PRKAA2: variants seen among roughly 807,000 people sequenced by gnomAD.
The protein encoded by PRKAA2 is 5'-AMP-activated protein kinase catalytic subunit alpha-2.
Under a neutral mutation model 56.3 loss-of-function variants are expected in PRKAA2, and 40 were observed. The ratio of observed to expected loss-of-function variants is 0.71; its 90% CI spans 0.55 to 0.92. The LOEUF (loss-of-function observed/expected upper bound fraction) is 0.92. PRKAA2 is among the 40% of genes least tolerant of loss of function. PRKAA2 has a pLI of 0.00. For synonymous variants in PRKAA2, 214 were observed against 234.2 expected, an observed-to-expected ratio of 0.91 and a Z score of 0.79; for missense variants, 542 against 686.9, an observed-to-expected ratio of 0.79 and a Z score of 2.36.
intron 6 of PRKAA2, among the ~76,000 whole-genome samples, chr1:56,697,876 A>G (rs1291722662): frequency 2.0e-5 from 3 of 152,024 alleles, no homozygotes; most frequent in Admixed American, 1.3e-4. Context: ...GTATATTTAT[A>G]TACTTCAGAA....
At chr1:56,660,997 G>T (rs974302680) in intron 1 of PRKAA2, among the ~76,000 whole-genome samples, 1 of 152,056 alleles carries the variant, frequency 6.6e-6, no homozygotes. Context: ...TGAAAGGAGC[G>T]TTGTGTTGTT....
chr1:56,652,372 G>T (rs1001034561), intron 1 of PRKAA2, among the ~76,000 whole-genome samples: 8 of 151,362 alleles, frequency 5.3e-5, no homozygotes, highest in African/African-American at 1.9e-4. Context: ...AGCCAGGATG[G>T]TCTTGCTCTC....
chr1:56,707,775 A>T lies in PRKAA2; in HGVS notation c.*62A>T. The T allele has an allele frequency of 2.1e-6, 3 of 1,421,958 alleles. No individual in the cohort carries two copies. The highest frequency in any genetic ancestry group is 2.3e-5 in the East Asian group (1 of 43,794). 88.1% of individuals were successfully genotyped at this position (1,421,958 alleles called of 1,614,324 possible). A position where few individuals can be genotyped will look rare whatever the true frequency, so the allele number is the denominator to read the frequency against. ...AATCAGTTATATTCTTTAAATTTTT[A>T]TCTTACTTTTGGATAATATCCACTG... is the stretch of plus-strand genomic sequence containing the variant. On this transcript the variant is annotated 3_prime_UTR_variant, in exon 9 of 9. Transcript: ENST00000371244.
rs1304865714 is a variant in PRKAA2, at chr1:56,712,588, A to T, written c.*4875A>T. ...AAAACTAGGCTGGGTGTAGTGGCTC[A>T]TGCCTATAATCCCAGCACTTTGGGA... On this transcript the variant is annotated 3_prime_UTR_variant, in exon 9 of 9. Coordinates refer to ENST00000371244, the MANE Select transcript of PRKAA2 (RefSeq NM_006252.4). 6.6e-6 allele frequency: 1 copy of T among 152,204 alleles called. No homozygotes were observed. The highest frequency in any genetic ancestry group is 1.5e-5 in the Non-Finnish European group (1 of 68,038). The allele number at this position is 152,204 out of a possible 1,614,324, so 9.4% of individuals were successfully genotyped here.
At position 56,674,503 on chromosome 1, in the gene PRKAA2, C is replaced by A; in HGVS notation, c.217C>A (p.His73Asn). Residue 73 changes from histidine (H) to asparagine (N), a missense_variant, in exon 2 of 9, where the codon CAT becomes AAT. By Grantham distance (68) the His-to-Asn change is moderately conservative. Coordinates refer to ENST00000371244, the MANE Select transcript of PRKAA2 (RefSeq NM_006252.4). ...REIQNLKLFR[H>N]PHIIKLYQVI... ...AATTCAAAATCTAAAACTCTTTCGTCATCCTCATATTATCAAACTGTAAGT... is the reference window on the plus strand; with the variant it reads ...AATTCAAAATCTAAAACTCTTTCGTAATCCTCATATTATCAAACTGTAAGT... The A allele has an allele frequency of 6.5e-7, 1 of 1,536,736 alleles. No homozygotes were observed. The highest frequency in any genetic ancestry group is 8.8e-7 in the Non-Finnish European group (1 of 1,132,458).
chr1:56,652,097 C>G (rs1643903233), intron 1 of PRKAA2, among the ~76,000 whole-genome samples: 1 of 150,374 alleles, frequency 6.7e-6, no homozygotes. Context: ...ACTACAACCT[C>G]TGCCTCCTGG....
chr1:56,646,893 T>C (rs945456227), intron 1 of PRKAA2, among the ~76,000 whole-genome samples: 4 of 152,196 alleles, frequency 2.6e-5, no homozygotes, highest in African/African-American at 7.2e-5. Context: ...GCAATGAGGA[T>C]ACAGCAAGGA....
intron 1 of PRKAA2, among the ~76,000 whole-genome samples, chr1:56,654,074 T>G (rs151111179): frequency 1.6e-4 from 24 of 152,214 alleles, no homozygotes; most frequent in Admixed American, 6.5e-4. Flanking sequence ...TACATATATT[T>G]TCAGTTCAGA....
intron 1 of PRKAA2, among the ~76,000 whole-genome samples, chr1:56,650,597 G>A (rs1181053215): frequency 1.3e-5 from 2 of 152,124 alleles, no homozygotes; most frequent in African/African-American, 2.4e-5. Context: ...AAAGAAGCCT[G>A]CATTTTCAAG....
Position 56,707,953 on chromosome 1 carries a change from TAA to T in PRKAA2, c.*241_*242del, listed in dbSNP as rs1644343907. 1.7e-5 allele frequency: 9 copies of T among 523,006 alleles called. No homozygotes were observed. The South Asian group carries it at 2.1e-4, about 12-fold the overall frequency. 32.4% of individuals were successfully genotyped at this position (523,006 alleles called of 1,614,324 possible). Reference sequence around the variant, plus strand: ...CACATAGGCAATATCTTTAATAGGTTAATATCAATGAAGATTTTTAATTACAA... The same window carrying T: ...CACATAGGCAATATCTTTAATAGGTTTATCAATGAAGATTTTTAATTACAA... On this transcript the variant is annotated 3_prime_UTR_variant, in exon 9 of 9. Coordinates refer to ENST00000371244, the MANE Select transcript of PRKAA2 (RefSeq NM_006252.4).
chr1:56,675,693 T>C (rs1644108200), intron 2 of PRKAA2, among the ~76,000 whole-genome samples: 1 of 152,140 alleles, frequency 6.6e-6, no homozygotes, highest in Non-Finnish European at 1.5e-5. Flanking sequence ...AAGCCCTATG[T>C]ATAAACTTTA....
intron 1 of PRKAA2, among the ~76,000 whole-genome samples, chr1:56,650,120 T>C (rs1329405294): frequency 6.6e-6 from 1 of 151,984 alleles, no homozygotes; most frequent in East Asian, 1.9e-4. Flanking sequence ...TAAAGAAATT[T>C]TAACTTCAGT....
chr1:56,672,204 G>A (rs1007211171), intron 1 of PRKAA2, among the ~76,000 whole-genome samples: 5 of 151,922 alleles, frequency 3.3e-5, no homozygotes, highest in South Asian at 4.2e-4. Context: ...TACAACCTCC[G>A]CCTCCCAGGC....
At chr1:56,694,506 C>CA (rs975651458) in intron 5 of PRKAA2, among the ~76,000 whole-genome samples, 22 of 152,200 alleles carry the variant, frequency 1.4e-4, no homozygotes, top group African/African-American at 4.8e-4. Flanking sequence ...AAGAAAGATA[C>CA]AATAAAGGTG....
At position 56,714,285 on chromosome 1, in the gene PRKAA2, C is replaced by T. The variant is rs542239806; in HGVS notation, c.*6572C>T. 5 of 152,122 alleles carry T rather than the reference C, an allele frequency of 3.3e-5. No individual in the cohort carries two copies. Among genetic ancestry groups the T allele is most frequent in the East Asian group, 1.9e-4 (1 of 5,198 alleles). The allele number at this position is 152,122 out of a possible 1,614,324, so 9.4% of individuals were successfully genotyped here. A position where few individuals can be genotyped will look rare whatever the true frequency, so the allele number is the denominator to read the frequency against. On this transcript the variant is annotated 3_prime_UTR_variant, in exon 9 of 9. Transcript: ENST00000371244. ...TGGCTGCTGAAGCAGCAGCAAGTCA[C>T]GTAACCTCATTTAGTTTTTTGATTT...
intron 5 of PRKAA2, 136 bp from the exon 6 acceptor site, chr1:56,695,799 G>A (rs1644255171): frequency 2.7e-6 from 2 of 747,522 alleles, no homozygotes; most frequent in Non-Finnish European, 4.4e-6. Context: ...TGAATATTGG[G>A]GAGCAGCCAT....
At chr1:56,701,193 T>A (rs1441070714) in intron 6 of PRKAA2, among the ~76,000 whole-genome samples, 1 of 152,208 alleles carries the variant, frequency 6.6e-6, no homozygotes, top group Non-Finnish European at 1.5e-5. Context: ...GTCATTGATA[T>A]TTAAAAAATA....
intron 1 of PRKAA2, among the ~76,000 whole-genome samples, chr1:56,656,576 T>A (rs1643944543): frequency 6.6e-6 from 1 of 152,198 alleles, no homozygotes; most frequent in East Asian, 1.9e-4. Flanking sequence ...CCCTTTAAGG[T>A]GTCTCTTCAA....
At chr1:56,684,743 C>A (rs560234569) in intron 2 of PRKAA2, among the ~76,000 whole-genome samples, 1 of 151,766 alleles carries the variant, frequency 6.6e-6, no homozygotes, top group Admixed American at 6.6e-5. Flanking sequence ...ATGATGAGGG[C>A]AAAAACCTGA....
Sources: gnomAD v4.1 joint callset for allele counts (sites outside exome capture counted in the v4.1 genomes callset) on GRCh38, gnomAD v4.1.1 for gene constraint, MANE v1.5 for transcripts, NCBI Gene and HGNC (gene_info 2026-07-23, HGNC 2026-07-21) for gene names.